Variants in TTC23 observed in about 807,000 individuals in gnomAD.
TTC23 encodes the protein tetratricopeptide repeat domain 23.
A neutral mutation model predicts 55.1 loss-of-function variants in TTC23; 58 were observed. The ratio of observed to expected loss-of-function variants is 1.05; its 90% CI spans 0.85 to 1.31. The LOEUF (loss-of-function observed/expected upper bound fraction) is 1.31, where lower values mean the gene tolerates loss of function less well. TTC23 is among the 50% of genes most tolerant of loss of function. The probability of loss-of-function intolerance (pLI) is 0.00; values close to 1 mark genes in which losing one functional copy is unlikely to be tolerated. For synonymous variants in TTC23, 203 were observed against 199.9 expected (o/e 1.02, Z -0.13); for missense variants, 516 against 534.4 (o/e 0.97, Z 0.34).
intron 11 of TTC23, chr15:99,160,551 A>G (rs2071219607): frequency 6.6e-6 from 1 of 152,152 alleles, no homozygotes; most frequent in African/African-American, 2.4e-5. Context: ...ATGTGACACC[A>G]TTTTGTACAA....
chr15:99,197,751 CA>C (rs1379427991), intron 9 of TTC23, among the ~76,000 whole-genome samples: 6 of 151,654 alleles, frequency 4.0e-5, no homozygotes, highest in Non-Finnish European at 8.8e-5. Flanking sequence ...ACTAAAAATA[CA>C]AAAATTAGCC....
chr15:99,229,512 C>T (rs1231394244), intron 4 of TTC23, among the ~76,000 whole-genome samples: 1 of 152,126 alleles, frequency 6.6e-6, no homozygotes. Flanking sequence ...TCCCAGTGGA[C>T]TACCTGAGTT....
At chr15:99,139,551 C>T (rs1555489171) in intron 12 of TTC23, 152 bp from the exon 13 acceptor site, 1 of 1,546,760 alleles carries the variant, frequency 6.5e-7, no homozygotes, top group Non-Finnish European at 8.7e-7. Context: ...TAGTGACTGA[C>T]CTTTGGTTTG....
chr15:99,190,499 T>C (rs1380117991), intron 9 of TTC23, among the ~76,000 whole-genome samples: 1 of 152,152 alleles, frequency 6.6e-6, no homozygotes, highest in Non-Finnish European at 1.5e-5. Flanking sequence ...CATGATATAT[T>C]GAACATATCT....
At chr15:99,199,290 G>A (rs548086265) in intron 9 of TTC23, among the ~76,000 whole-genome samples, 11 of 151,714 alleles carry the variant, frequency 7.3e-5, no homozygotes, top group East Asian at 3.9e-4. Context: ...AAGAGAGGCC[G>A]GACCTGGTGG....
chr15:99,209,463 T>C (rs2076869427), intron 8 of TTC23, among the ~76,000 whole-genome samples: 1 of 152,230 alleles, frequency 6.6e-6, no homozygotes, highest in African/African-American at 2.4e-5. Flanking sequence ...GTGAATGTAA[T>C]GTGTGCCATG....
intron 2 of TTC23, among the ~76,000 whole-genome samples, chr15:99,242,958 G>T (rs771073102): frequency 1.3e-4 from 20 of 152,112 alleles, no homozygotes; most frequent in Non-Finnish European, 2.5e-4. Flanking sequence ...TCTTAAGAAA[G>T]ATCTCAAAAG....
chr15:99,201,633 A>G (rs555747961), intron 8 of TTC23, among the ~76,000 whole-genome samples: 6 of 152,322 alleles, frequency 3.9e-5, no homozygotes, highest in Admixed American at 2.0e-4. Flanking sequence ...TAATCTGGAT[A>G]CCTTCTATAA....
intron 12 of TTC23, chr15:99,151,396 G>C (rs2005204): frequency 6.6e-6 from 1 of 152,278 alleles, no homozygotes; most frequent in South Asian, 2.1e-4. Context: ...GCTGAGAAAA[G>C]AAAAGGCACA....
At chr15:99,240,876 G>A (rs898903573) in intron 3 of TTC23, among the ~76,000 whole-genome samples, 47 of 152,030 alleles carry the variant, frequency 3.1e-4, no homozygotes, top group African/African-American at 1.1e-3. Context: ...ATGTTCAAAT[G>A]CCAAAAAAAA....
At chr15:99,189,309 AT>A (rs2075025213) in intron 9 of TTC23, among the ~76,000 whole-genome samples, 1 of 152,184 alleles carries the variant, frequency 6.6e-6, no homozygotes, top group Non-Finnish European at 1.5e-5. Context: ...TGTGGATAAA[AT>A]GGTAGAATGG....
intron 9 of TTC23, among the ~76,000 whole-genome samples, chr15:99,192,778 T>C (rs1187058846): frequency 6.6e-6 from 1 of 152,128 alleles, no homozygotes; most frequent in African/African-American, 2.4e-5. Flanking sequence ...CCCAGAATAG[T>C]AGATCCATTG....
At chr15:99,215,666 A>G (rs1459568636) in intron 8 of TTC23, among the ~76,000 whole-genome samples, 1 of 152,114 alleles carries the variant, frequency 6.6e-6, no homozygotes, top group South Asian at 2.1e-4. Context: ...GGATTGCTTG[A>G]GCCCAGGGAG....
Position 99,161,783 on chromosome 15 carries a change from T to C in TTC23, c.950A>G (p.Gln317Arg), listed in dbSNP as rs1342601763. ...GMGRTKFLSI[Q>R]DEFCHFLQMT... The stretch of plus-strand genomic sequence containing the variant: ...TTGTAGAAAATGGCAAAATTCATCT[T>C]GAATTGAAAGAAATTTGGTTCTTCC... The change falls in exon 11 of 14, where the codon CAA becomes CGA. Residue 317 changes from glutamine (Q) to arginine (R), a missense_variant. Coordinates refer to ENST00000394132, the MANE Select transcript of TTC23 (RefSeq NM_001288615.3). 1.9e-6 allele frequency: 3 copies of C among 1,613,558 alleles called. No individual in the cohort carries two copies. The African/African-American group carries it at 4.0e-5, about 22-fold the overall frequency.
chr15:99,226,995 T>G (rs2078499695), intron 5 of TTC23, among the ~76,000 whole-genome samples: 1 of 152,252 alleles, frequency 6.6e-6, no homozygotes, highest in African/African-American at 2.4e-5. Context: ...CCATTCTAGT[T>G]ACACAGAAAA....
intron 9 of TTC23, among the ~76,000 whole-genome samples, chr15:99,189,864 G>C (rs2075073460): frequency 6.6e-6 from 1 of 152,082 alleles, no homozygotes; most frequent in Non-Finnish European, 1.5e-5. Flanking sequence ...GGACAAAATG[G>C]AATATGACCA....
chr15:99,233,042 C>A (rs140572846), intron 4 of TTC23, among the ~76,000 whole-genome samples: 73 of 152,256 alleles, frequency 4.8e-4, no homozygotes, highest in Middle Eastern at 3.4e-3. Context: ...CACAGAAAGA[C>A]AAATACTGAA....
At chr15:99,226,597 G>A (rs1046498937) in intron 5 of TTC23, among the ~76,000 whole-genome samples, 9 of 152,190 alleles carry the variant, frequency 5.9e-5, no homozygotes, top group African/African-American at 2.2e-4. Flanking sequence ...GGCCCTAAGT[G>A]AACTGACAGC....
chr15:99,244,839 AAAG>A (rs770042396), intron 2 of TTC23, among the ~76,000 whole-genome samples: 31 of 152,348 alleles, frequency 2.0e-4, no homozygotes, highest in South Asian at 1.2e-3. Context: ...CAATCTTAAA[AAAG>A]AAGTTGGAGG....
Sources: gnomAD v4.1 joint callset for allele counts (sites outside exome capture counted in the v4.1 genomes callset) on GRCh38, gnomAD v4.1.1 for gene constraint, MANE v1.5 for transcripts, NCBI Gene and HGNC (gene_info 2026-07-23, HGNC 2026-07-21) for gene names.